SRSF1: variants seen among roughly 807,000 people sequenced by gnomAD.
The protein encoded by SRSF1 is serine/arginine-rich splicing factor 1.
A neutral mutation model predicts 25.9 loss-of-function variants in SRSF1; 1 was observed. The observed-to-expected ratio is 0.04, with a 90% confidence interval of 0.01 to 0.18. The LOEUF is 0.18. SRSF1 is among the 10% of genes least tolerant of loss of function. The pLI is 1.00. For missense variants in SRSF1, 65 were observed against 350.5 expected, an observed-to-expected ratio of 0.19 and a Z score of 6.50; for synonymous variants, 132 against 126.2, an observed-to-expected ratio of 1.05 and a Z score of -0.31.
downstream of SRSF1, among the ~76,000 whole-genome samples, chr17:57,998,134 C>T (rs1053734618): frequency 3.3e-5 from 5 of 152,056 alleles, no homozygotes; most frequent in Non-Finnish European, 5.9e-5. Context: ...CGCTTGAACC[C>T]GGGAGGCGGA....
In SRSF1 at chr17:58,005,247, G is replaced by A. The variant is rs2075419059; in HGVS notation, c.*159C>T. The A allele has an allele frequency of 2.8e-6, 2 of 712,616 alleles. No homozygotes were observed. The highest frequency in any genetic ancestry group is 2.3e-6 in the Non-Finnish European group (1 of 432,416). The allele number at this position is 712,616 out of a possible 1,614,324, so 44.1% of individuals were successfully genotyped here. ...AATACAATTTATCAAAGACACGAAG[G>A]GAATGTAGATGTTAGGAGCAAGGGG... is the stretch of plus-strand genomic sequence containing the variant. On this transcript the variant is annotated 3_prime_UTR_variant, in exon 4 of 4. Transcript: ENST00000258962. The surrounding 1 kb of genome is among the most constrained non-coding windows in gnomAD (Gnocchi z 5.2).
At chr17:57,998,241 C>T (rs2075372448), downstream of SRSF1, among the ~76,000 whole-genome samples, 1 of 152,110 alleles carries the variant, frequency 6.6e-6, no homozygotes, top group Non-Finnish European at 1.5e-5. Flanking sequence ...GTGAATGTCA[C>T]TCTTGGTGTT....
intron 1 of SRSF1, 119 bp from the exon 2 acceptor site, chr17:58,006,646 C>A (rs2075430681): frequency 2.4e-6 from 3 of 1,234,640 alleles, no homozygotes; most frequent in East Asian, 5.1e-5. Flanking sequence ...ACATGCGCCG[C>A]ATAATAGGAA....
At chr17:57,996,428 G>A (rs1199302219), downstream of SRSF1, among the ~76,000 whole-genome samples, 2 of 138,938 alleles carry the variant, frequency 1.4e-5, no homozygotes, top group Non-Finnish European at 3.0e-5. Context: ...AGGTTGCAGT[G>A]AGCCGAGACT....
At chr17:58,000,247 G>A (rs776948146), downstream of SRSF1, among the ~76,000 whole-genome samples, 1 of 152,070 alleles carries the variant, frequency 6.6e-6, no homozygotes, top group Non-Finnish European at 1.5e-5. Flanking sequence ...AAGAAGCACC[G>A]TGAAGGTCTC....
the SRSF1 span, chr17:57,992,049 T>G: frequency 6.6e-6 from 1 of 152,198 alleles, no homozygotes; most frequent in Non-Finnish European, 1.5e-5. Flanking sequence ...AAAATGAGTC[T>G]AAAGCCATGG....
At chr17:57,989,512 C>T in the SRSF1 span, 1 of 397,694 alleles carries the variant, frequency 2.5e-6, no homozygotes, top group Non-Finnish European at 4.4e-6. Flanking sequence ...CTCCAACTTC[C>T]CCCATAGACA....
At chr17:57,992,447 T>C in the SRSF1 span, 1 of 151,916 alleles carries the variant, frequency 6.6e-6, no homozygotes, top group East Asian at 1.9e-4. Context: ...AGCTCAATTA[T>C]AGCATTGTGC....
rs1226114525 is a variant in SRSF1 at position 58,004,147 on chromosome 17, G to A, written c.*1259C>T. ...ATCAAATTCCCCAAAACAAGTTTCTGAATGGTGTTCAGATAAATTTTAGAA... is the reference window on the plus strand; with the variant it reads ...ATCAAATTCCCCAAAACAAGTTTCTAAATGGTGTTCAGATAAATTTTAGAA... On this transcript the variant is annotated 3_prime_UTR_variant, in exon 4 of 4. Coordinates refer to ENST00000258962, the MANE Select transcript of SRSF1 (RefSeq NM_006924.5). 6.6e-6 allele frequency: 1 copy of A among 152,638 alleles called. No homozygotes were observed. Among genetic ancestry groups the A allele is most frequent in the African/African-American group, 2.4e-5 (1 of 41,454 alleles). The allele number at this position is 152,638 out of a possible 1,614,324, so 9.5% of individuals were successfully genotyped here. A position where few individuals can be genotyped will look rare whatever the true frequency, so the allele number is the denominator to read the frequency against.
Position 58,007,033 on chromosome 17 carries a change from C to T in SRSF1, c.105G>A (p.Val35=). The part of the protein sequence containing the change: ...PDIRTKDIED[V]FYKYGAIRDI... ...CGCGGATAGCGCCGTATTTGTAGAA[C>T]ACGTCCTCAATGTCCTTGGTTCGGA... The change falls in exon 1 of 4, where the codon GTG becomes GTA. Residue 35 remains valine, a synonymous_variant. Transcript: ENST00000258962. 6.2e-7 allele frequency: 1 copy of T among 1,614,190 alleles called. No individual in the cohort carries two copies. The highest frequency in any genetic ancestry group is 8.5e-7 in the Non-Finnish European group (1 of 1,180,044).
chr17:58,002,949 T>C lies in SRSF1; in HGVS notation c.*2457A>G, dbSNP rs11654058. On this transcript the variant is annotated 3_prime_UTR_variant, in exon 4 of 4. Transcript: ENST00000258962. ...AATCACTCAAATCCAGGGGTGGAGGTTGCAGTGAGCCTAGATCACACCACT... is the reference window on the plus strand; with the variant it reads ...AATCACTCAAATCCAGGGGTGGAGGCTGCAGTGAGCCTAGATCACACCACT... Among the ~76,000 whole-genome samples the C allele has an allele frequency of 0.087, 13,293 of 152,162 alleles. 636 individuals are homozygous for C. Among genetic ancestry groups the C allele is most frequent in the Middle Eastern group, 0.14 (40 of 294 alleles).
chr17:58,005,789 T>A lies in SRSF1; in HGVS notation c.552+12A>T. On this transcript the variant is annotated intron_variant, in intron 3 of 3. Transcript: ENST00000258962. The surrounding 1 kb of genome is among the most constrained non-coding windows in gnomAD (Gnocchi z 5.2). ...AATTCTGGTCAAAGAAAAGAATACG[T>A]GTATAACCTACCTCATGAGATCTAA... 1 of 1,614,184 alleles carries A rather than the reference T, an allele frequency of 6.2e-7. No individual in the cohort carries two copies. The highest frequency in any genetic ancestry group is 8.5e-7 in the Non-Finnish European group (1 of 1,180,028).
Position 58,005,016 on chromosome 17 carries a change from T to A in SRSF1, c.*390A>T, listed in dbSNP as rs2075417275. ...GCTCCACAATCCTTAATCCAAAGCA[T>A]TCTTAATCCATCTCTTCAGATATGT... On this transcript the variant is annotated 3_prime_UTR_variant, in exon 4 of 4. Transcript: ENST00000258962. This position sits in a 1 kb window ranked among gnomAD's most constrained non-coding sequence, Gnocchi z 5.2. 1 of 425,604 alleles carries A rather than the reference T, an allele frequency of 2.3e-6. No homozygotes were observed. The highest frequency in any genetic ancestry group is 4.1e-6 in the Non-Finnish European group (1 of 241,118). 26.4% of individuals were successfully genotyped at this position (425,604 alleles called of 1,614,324 possible). A position where few individuals can be genotyped will look rare whatever the true frequency, so the allele number is the denominator to read the frequency against.
At chr17:57,999,549 T>C (rs898935636), downstream of SRSF1, among the ~76,000 whole-genome samples, 5 of 152,184 alleles carry the variant, frequency 3.3e-5, no homozygotes, top group Admixed American at 6.5e-5. Flanking sequence ...AAAGGTAAAG[T>C]TGCAAGAAAA....
At position 58,005,915 on chromosome 17, in the gene SRSF1, A is replaced by G; in HGVS notation, c.438T>C (p.Asp146=). 1 of 1,613,966 alleles carries G rather than the reference A, an allele frequency of 6.2e-7. No individual in the cohort carries two copies. Among genetic ancestry groups the G allele is most frequent in the Non-Finnish European group, 8.5e-7 (1 of 1,180,032 alleles). ...CTCGGTAAACATCAGCATAACATAC[A>G]TCACCTGCTTCACGCATGTGATCCT... ...DLKDHMREAG[D]VCYADVYRDG... Residue 146 remains aspartate, a synonymous_variant, in exon 3 of 4, where the codon GAT becomes GAC. Transcript: ENST00000258962. This position sits in a 1 kb window ranked among gnomAD's most constrained non-coding sequence, Gnocchi z 5.2.
chr17:57,994,044 T>G, the SRSF1 span: 1 of 152,262 alleles, frequency 6.6e-6, no homozygotes, highest in Non-Finnish European at 1.5e-5. Flanking sequence ...ACACTGTGGC[T>G]GCTGGAATAC....
At chr17:57,990,613 G>A in the SRSF1 span, 1 of 152,166 alleles carries the variant, frequency 6.6e-6, no homozygotes, top group Admixed American at 6.5e-5. Context: ...ACAAAAAGGA[G>A]CTCTCTCCTT....
In SRSF1 at chr17:58,001,224, C is replaced by T. The variant is rs1484845074; in HGVS notation, c.*4182G>A. On this transcript the variant is annotated 3_prime_UTR_variant, in exon 4 of 4. Coordinates refer to ENST00000258962, the MANE Select transcript of SRSF1 (RefSeq NM_006924.5). ...CCTTGACCACAGAAATGTGAAAACA[C>T]CAGCCCTAATGACCAAGACAATGTT... Among the ~76,000 whole-genome samples the T allele has an allele frequency of 6.6e-6, 1 of 152,002 alleles. No homozygotes were observed. The highest frequency in any genetic ancestry group is 1.5e-5 in the Non-Finnish European group (1 of 67,980).
At chr17:58,006,290 A>ATT (rs533922120) in intron 2 of SRSF1, 53 bp downstream of exon 2, 6 of 1,539,880 alleles carry the variant, frequency 3.9e-6, no homozygotes, top group Non-Finnish European at 5.2e-6. Flanking sequence ...CAAGAGAAAA[A>ATT]TTTTAGGTAG....
Sources: gnomAD v4.1 joint callset for allele counts (sites outside exome capture counted in the v4.1 genomes callset) on GRCh38, gnomAD v4.1.1 for gene constraint, Gnocchi (gnomAD v3.1) non-coding constraint, MANE v1.5 for transcripts, NCBI Gene and HGNC (gene_info 2026-07-23, HGNC 2026-07-21) for gene names.